The following XKR6 variants were observed in gnomAD, a reference collection of about 807,000 sequenced individuals.
XKR6 encodes the protein XK-related protein 6.
Under a neutral mutation model 56.7 loss-of-function variants are expected in XKR6, and 22 were observed. That is an observed-to-expected ratio of 0.39 (90% CI 0.28 to 0.55). The LOEUF (loss-of-function observed/expected upper bound fraction) is 0.55. Among genes scored for constraint, XKR6 ranks in the 20% least tolerant of loss-of-function variants. XKR6 has a pLI of 0.66. For synonymous variants in XKR6, 524 were observed against 387.8 expected, an observed-to-expected ratio of 1.35 and a Z score of -4.13; for missense variants, 852 against 889.0, an observed-to-expected ratio of 0.96 and a Z score of 0.53.
In XKR6 at chr8:10,947,482, G is replaced by T. The variant is rs546825679; in HGVS notation, c.765-22652C>A. Among the ~76,000 whole-genome samples, 13 of 152,252 alleles carry T rather than the reference G, an allele frequency of 8.5e-5. No individual in the cohort carries two copies. The South Asian group carries it at 2.7e-3, about 32-fold the overall frequency. ...TGGGGGATCGAGGGAGAGCAGCCCA[G>T]GATGGAGCCCTGAAAACACCATTGC... On this transcript the variant is annotated intron_variant, in intron 1 of 2. Transcript: ENST00000416569.
chr8:10,965,797 G>C (rs113763805), intron 1 of XKR6, among the ~76,000 whole-genome samples: 3 of 152,210 alleles, frequency 2.0e-5, no homozygotes, highest in African/African-American at 7.2e-5. Context: ...AGATGTTCTT[G>C]CTTCCGACCG....
intron 1 of XKR6, among the ~76,000 whole-genome samples, chr8:10,997,309 T>G (rs1294577291): frequency 6.6e-6 from 1 of 152,182 alleles, no homozygotes; most frequent in Non-Finnish European, 1.5e-5. Flanking sequence ...ACTCCTTTAA[T>G]CCTCAGAACA....
intron 1 of XKR6, among the ~76,000 whole-genome samples, chr8:10,978,214 A>C (rs1016734306): frequency 1.3e-5 from 2 of 152,244 alleles, no homozygotes; most frequent in Non-Finnish European, 2.9e-5. Context: ...ATAGCAGAGA[A>C]TAGATTTATT....
intron 1 of XKR6, among the ~76,000 whole-genome samples, chr8:10,931,180 T>C (rs986212963): frequency 6.6e-6 from 1 of 152,186 alleles, no homozygotes; most frequent in African/African-American, 2.4e-5. Context: ...TATATACCAC[T>C]TAAATTAGCT....
intron 1 of XKR6, among the ~76,000 whole-genome samples, chr8:10,984,732 C>CTCTCTCTCTATATATATATA: frequency 7.6e-4 from 36 of 47,482 alleles, no homozygotes; most frequent in Admixed American, 1.0e-3. Flanking sequence ...CTCTCTCTCT[C>CTCTCTCTCTATATATATATA]TATATATATA....
chr8:10,922,810 G>T (rs1800761068), intron 2 of XKR6, among the ~76,000 whole-genome samples: 1 of 152,196 alleles, frequency 6.6e-6, no homozygotes, highest in African/African-American at 2.4e-5. Flanking sequence ...GCATGTGGGT[G>T]TGTCCAAGAA....
chr8:11,147,858 T>C (rs6988236), intron 1 of XKR6, among the ~76,000 whole-genome samples: 1,759 of 152,196 alleles, frequency 0.012, 33 homozygotes, highest in African/African-American at 0.039. Flanking sequence ...GAAGGCCTAA[T>C]TCCCAGTATC....
intron 1 of XKR6, among the ~76,000 whole-genome samples, chr8:11,078,823 TAGG>T (rs750257591): frequency 2.6e-5 from 4 of 152,152 alleles, no homozygotes; most frequent in African/African-American, 4.8e-5. Flanking sequence ...CTCAGCACCA[TAGG>T]AGAAGAGTGG....
At chr8:10,995,632 A>C (rs2129141548) in intron 1 of XKR6, among the ~76,000 whole-genome samples, 1 of 151,000 alleles carries the variant, frequency 6.6e-6, no homozygotes, top group South Asian at 2.1e-4. Context: ...AGGCTGCAGT[A>C]AACTGTGATC....
At chr8:11,167,181 GAACT>G (rs1361156557) in intron 1 of XKR6, among the ~76,000 whole-genome samples, 2 of 152,130 alleles carry the variant, frequency 1.3e-5, no homozygotes, top group South Asian at 2.1e-4. Context: ...CCAACTGTCA[GAACT>G]AACTTTGTCA....
intron 2 of XKR6, among the ~76,000 whole-genome samples, chr8:10,920,698 A>G (rs997068772): frequency 5.3e-5 from 8 of 152,262 alleles, no homozygotes; most frequent in African/African-American, 1.9e-4. Context: ...GTTAAGTAAG[A>G]GAGAAATGCC....
At chr8:10,970,554 C>G (rs529178184) in intron 1 of XKR6, among the ~76,000 whole-genome samples, 6 of 152,158 alleles carry the variant, frequency 3.9e-5, no homozygotes, top group African/African-American at 7.2e-5. Flanking sequence ...ATTGAGATGT[C>G]TGATCTCAAT....
chr8:11,192,727 C>T (rs1285542443), intron 1 of XKR6, among the ~76,000 whole-genome samples: 4 of 152,200 alleles, frequency 2.6e-5, no homozygotes, highest in Non-Finnish European at 5.9e-5. Flanking sequence ...AAAATACACA[C>T]TCCCTGGCCC....
chr8:10,970,078 G>C (rs1802358941), intron 1 of XKR6, among the ~76,000 whole-genome samples: 1 of 152,232 alleles, frequency 6.6e-6, no homozygotes, highest in Admixed American at 6.5e-5. Flanking sequence ...TCACTGGGCT[G>C]TCACCTCTCG....
At position 11,109,249 on chromosome 8, in the gene XKR6, G is replaced by C. The variant is rs117675286; in HGVS notation, c.764+91327C>G. 43 of 152,306 alleles carry C rather than the reference G, an allele frequency of 2.8e-4. No individual in the cohort carries two copies. The East Asian group carries it at 8.1e-3, about 29-fold the overall frequency. 9.4% of individuals were successfully genotyped at this position (152,306 alleles called of 1,614,324 possible). ...TTCTAGGAAGCAAGCATCAAACCCT[G>C]ACTGTATTCATGCCATCATCTCCAC... is the stretch of plus-strand genomic sequence containing the variant. On this transcript the variant is annotated intron_variant, in intron 1 of 2. Coordinates refer to ENST00000416569, the MANE Select transcript of XKR6 (RefSeq NM_173683.4).
intron 1 of XKR6, among the ~76,000 whole-genome samples, chr8:11,171,652 C>T (rs1050807937): frequency 1.3e-5 from 2 of 152,192 alleles, no homozygotes; most frequent in East Asian, 3.8e-4. Flanking sequence ...AGCCTTCTGC[C>T]ATGAGTGGAA....
At chr8:11,001,996 G>A (rs1430267100) in intron 1 of XKR6, among the ~76,000 whole-genome samples, 1 of 151,150 alleles carries the variant, frequency 6.6e-6, no homozygotes, top group African/African-American at 2.4e-5. Flanking sequence ...TGGGATTATA[G>A]AGATAAGTCT....
At chr8:11,027,537 A>T (rs1798897437) in intron 1 of XKR6, among the ~76,000 whole-genome samples, 1 of 152,136 alleles carries the variant, frequency 6.6e-6, no homozygotes, top group African/African-American at 2.4e-5. Context: ...ATTCACCCCC[A>T]TTTTACAGTC....
chr8:11,049,610 C>T (rs4489292), intron 1 of XKR6, among the ~76,000 whole-genome samples: 57,522 of 152,046 alleles, frequency 0.38, 12,480 homozygotes, highest in East Asian at 0.79. Flanking sequence ...GGCTTGGCAG[C>T]GAGACCCATC....
Sources: allele counts gnomAD v4.1 joint callset (sites outside exome capture counted in the v4.1 genomes callset), GRCh38; gene constraint gnomAD v4.1.1; transcripts MANE v1.5; gene names NCBI Gene and HGNC (gene_info 2026-07-23, HGNC 2026-07-21).